The following CCNK variants were observed in gnomAD, a reference collection of about 807,000 sequenced individuals.
CCNK encodes the protein cyclin K, also known as cyclin-K.
CCNK carries 9 observed loss-of-function variants against 65.0 expected under a neutral mutation model. The ratio of observed to expected loss-of-function variants is 0.14; its 90% CI spans 0.08 to 0.24. The LOEUF (loss-of-function observed/expected upper bound fraction) is 0.24, where lower values mean the gene tolerates loss of function less well. Among genes scored for constraint, CCNK ranks in the 10% least tolerant of loss-of-function variants. The pLI is 1.00. For synonymous variants in CCNK, 279 were observed against 270.8 expected, an observed-to-expected ratio of 1.03 and a Z score of -0.30; for missense variants, 474 against 720.0, an observed-to-expected ratio of 0.66 and a Z score of 3.91.
At chr14:99,482,295 C>A (rs1189529752) in intron 1 of CCNK, among the ~76,000 whole-genome samples, 1 of 152,230 alleles carries the variant, frequency 6.6e-6, no homozygotes, top group Non-Finnish European at 1.5e-5. Context: ...TCGCTGTTTA[C>A]AGATACCTAG....
chr14:99,488,040 A>G (rs866336191), intron 1 of CCNK, among the ~76,000 whole-genome samples: 2 of 152,104 alleles, frequency 1.3e-5, no homozygotes, highest in South Asian at 2.1e-4. Flanking sequence ...GTTTTTTGCC[A>G]TGTTTACTGT....
At position 99,507,277 on chromosome 14, in the gene CCNK, T is replaced by C. The variant is rs1896999220; in HGVS notation, c.1117+130T>C. On this transcript the variant is annotated intron_variant, in intron 10 of 10. Transcript: ENST00000389879. ...ACAATGTCAGCCACAGGCAGGAATC[T>C]TTGCAAAATTGTTCTTGGGCTGGGC... is the stretch of plus-strand genomic sequence containing the variant. 1.5e-5 allele frequency: 11 copies of C among 729,392 alleles called. No individual in the cohort carries two copies. The Admixed American group carries it at 1.7e-4, about 12-fold the overall frequency. The allele number at this position is 729,392 out of a possible 1,614,324, so 45.2% of individuals were successfully genotyped here.
rs2069483 is a variant in CCNK, at chr14:99,492,203, G to C, written c.-52-423G>C. The C allele has an allele frequency of 6.5e-3, 1,008 of 154,396 alleles. 6 individuals carry two copies. The highest frequency in any genetic ancestry group is 0.023 in the African/African-American group (956 of 41,566). The allele number at this position is 154,396 out of a possible 1,614,324, so 9.6% of individuals were successfully genotyped here. A position where few individuals can be genotyped will look rare whatever the true frequency, so the allele number is the denominator to read the frequency against. On this transcript the variant is annotated intron_variant, in intron 1 of 10. Transcript: ENST00000389879. The stretch of plus-strand genomic sequence containing the variant: ...AAAGGGGTGCTGGATGGAAGAGATG[G>C]TTAGTTTTAGAACATAAATCTTTGT...
chr14:99,501,023 G>A lies in CCNK; in HGVS notation c.517+152G>A. 4.8e-6 allele frequency: 3 copies of A among 622,934 alleles called. No homozygotes were observed. The East Asian group carries it at 8.5e-5, about 18-fold the overall frequency. 38.6% of individuals were successfully genotyped at this position (622,934 alleles called of 1,614,324 possible). On this transcript the variant is annotated intron_variant, in intron 5 of 10. Transcript: ENST00000389879. ...CTTGCTCAGTCAATTCAGCATTGCA[G>A]CTGCTAATGCTGTTTCCTTTTATGT...
chr14:99,503,902 A>T, intron 9 of CCNK: 1 of 497,400 alleles, frequency 2.0e-6, no homozygotes, highest in Admixed American at 3.7e-5. Flanking sequence ...TAAAAGTATA[A>T]TTATGGCTGT....
intron 4 of CCNK, among the ~76,000 whole-genome samples, chr14:99,497,772 T>C (rs1038613946): frequency 1.3e-5 from 2 of 152,352 alleles, no homozygotes; most frequent in East Asian, 3.9e-4. Context: ...TTATACATAT[T>C]GTGGTTGTGA....
At chr14:99,507,771 T>G (rs1897012279) in intron 10 of CCNK, 2 of 153,276 alleles carry the variant, frequency 1.3e-5, no homozygotes, top group Admixed American at 1.3e-4. Flanking sequence ...TGCTTCCTAT[T>G]GGCAGTGTGT....
At chr14:99,502,177 A>G in intron 6 of CCNK, 30 bp from the exon 7 acceptor site, 1 of 1,546,710 alleles carries the variant, frequency 6.5e-7, no homozygotes, top group Non-Finnish European at 8.7e-7. Context: ...AGATCATATT[A>G]TCTAACCTTT....
chr14:99,482,461 A>G (rs905502647), intron 1 of CCNK, among the ~76,000 whole-genome samples: 2 of 152,248 alleles, frequency 1.3e-5, no homozygotes, highest in Non-Finnish European at 2.9e-5. Flanking sequence ...TGGTAGTGGT[A>G]GTAGTATTGA....
chr14:99,502,601 T>C, intron 7 of CCNK, 118 bp from the exon 8 acceptor site: 1 of 1,223,208 alleles, frequency 8.2e-7, no homozygotes, highest in Non-Finnish European at 1.1e-6. Flanking sequence ...ATGGGGTGAG[T>C]TGTAAATGTG....
chr14:99,508,017 G>C (rs547896897), intron 10 of CCNK: 3 of 152,226 alleles, frequency 2.0e-5, no homozygotes, highest in African/African-American at 7.2e-5. Context: ...CGATACTCCG[G>C]AGGCTTCCAA....
intron 1 of CCNK, among the ~76,000 whole-genome samples, chr14:99,488,820 A>G (rs1896543882): frequency 6.6e-6 from 1 of 152,038 alleles, no homozygotes; most frequent in Non-Finnish European, 1.5e-5. Context: ...TTGTATGTTC[A>G]CTATTTTATG....
chr14:99,494,076 G>A (rs1423189926), intron 3 of CCNK: 2 of 152,958 alleles, frequency 1.3e-5, no homozygotes, highest in African/African-American at 4.8e-5. Context: ...ACTGATAAAA[G>A]AGTTGTGGCA....
rs1464024252 is a variant in CCNK at position 99,504,153 on chromosome 14, G to A, written c.1045+509G>A. On this transcript the variant is annotated intron_variant, in intron 9 of 10. Coordinates refer to ENST00000389879, the MANE Select transcript of CCNK (RefSeq NM_001099402.2). Reference sequence around the variant, plus strand: ...CCCAAAGTTAGTTCATGTCAATATTGGAAATAAACAGAAGGAGTGAGCAAA... The same window carrying A: ...CCCAAAGTTAGTTCATGTCAATATTAGAAATAAACAGAAGGAGTGAGCAAA... 6 of 274,078 alleles carry A rather than the reference G, an allele frequency of 2.2e-5. No individual in the cohort carries two copies. In the East Asian group the frequency reaches 6.9e-4, roughly 32 times the overall value. The allele number at this position is 274,078 out of a possible 1,614,324, so 17.0% of individuals were successfully genotyped here. A position where few individuals can be genotyped will look rare whatever the true frequency, so the allele number is the denominator to read the frequency against.
intron 8 of CCNK, chr14:99,503,307 T>A: frequency 1.6e-6 from 1 of 609,580 alleles, no homozygotes; most frequent in Non-Finnish European, 2.9e-6. Context: ...TGCAGCTGCC[T>A]GACCCCAAAC....
At chr14:99,492,456 C>G in intron 1 of CCNK, 170 bp from the exon 2 acceptor site, 2 of 513,030 alleles carry the variant, frequency 3.9e-6, no homozygotes, top group South Asian at 5.6e-5. Flanking sequence ...CTGGGGTCAT[C>G]TTACAGTATT....
At chr14:99,500,191 G>A (rs3918084) in intron 4 of CCNK, 9,204 of 149,646 alleles carry the variant, frequency 0.062, 395 homozygotes, top group Non-Finnish European at 0.088. Context: ...TTCAGTAAGT[G>A]TTGTTGGGAT....
chr14:99,503,809 T>C, intron 9 of CCNK, 165 bp downstream of exon 9: 1 of 611,570 alleles, frequency 1.6e-6, no homozygotes, highest in Non-Finnish European at 2.9e-6. Flanking sequence ...CATCACCTGA[T>C]CATAGATTCT....
At chr14:99,493,228 A>G in intron 2 of CCNK, 2 of 437,900 alleles carry the variant, frequency 4.6e-6, no homozygotes, top group Non-Finnish European at 8.1e-6. Context: ...CAGTGAGCCA[A>G]GATCACACCA....
Sources: allele counts gnomAD v4.1 joint callset (sites outside exome capture counted in the v4.1 genomes callset), GRCh38; gene constraint gnomAD v4.1.1; transcripts MANE v1.5; gene names NCBI Gene and HGNC (gene_info 2026-07-23, HGNC 2026-07-21).